The following INPP4B variants were observed in gnomAD, a reference collection of about 807,000 sequenced individuals.
INPP4B encodes the protein inositol polyphosphate-4-phosphatase type II B, also known as inositol polyphosphate 4-phosphatase type II.
A neutral mutation model predicts 122.5 loss-of-function variants in INPP4B; 55 were observed. The observed-to-expected ratio is 0.45, with a 90% CI of 0.36 to 0.56. INPP4B has a LOEUF of 0.56. Among genes scored for constraint, INPP4B ranks in the 20% least tolerant of loss-of-function variants. INPP4B has a pLI of 0.00. For missense variants in INPP4B, 1,000 were observed against 1,097.7 expected (o/e 0.91, Z 1.26); for synonymous variants, 403 against 388.7 (o/e 1.04, Z -0.43).
chr4:142,065,801 T>C (rs929170893), intron 25 of INPP4B, among the ~76,000 whole-genome samples: 6 of 152,304 alleles, frequency 3.9e-5, no homozygotes, highest in Non-Finnish European at 8.8e-5. Flanking sequence ...TACTGCATTG[T>C]ACCCTATAAT....
chr4:142,232,557 C>T (rs1284468102), intron 12 of INPP4B, among the ~76,000 whole-genome samples: 5 of 151,820 alleles, frequency 3.3e-5, no homozygotes, highest in Admixed American at 3.3e-4. Context: ...TCCACCATCT[C>T]CCTCCCTCTT....
intron 18 of INPP4B, among the ~76,000 whole-genome samples, chr4:142,130,971 G>C (rs1412142903): frequency 1.3e-5 from 2 of 152,166 alleles, no homozygotes; most frequent in Non-Finnish European, 2.9e-5. Context: ...TTATTTCGTA[G>C]CACAAAATTG....
At chr4:142,736,224 A>G (rs530411375) in intron 1 of INPP4B, among the ~76,000 whole-genome samples, 1 of 152,258 alleles carries the variant, frequency 6.6e-6, no homozygotes, top group South Asian at 2.1e-4. Flanking sequence ...AAAGTTTCAG[A>G]AACTTGCTTT....
At chr4:142,744,936 TA>T (rs2150929885) in intron 1 of INPP4B, among the ~76,000 whole-genome samples, 1 of 151,758 alleles carries the variant, frequency 6.6e-6, no homozygotes, top group Non-Finnish European at 1.5e-5. Context: ...GTTTTTAGTA[TA>T]TAAAAAAAGA....
intron 3 of INPP4B, among the ~76,000 whole-genome samples, chr4:142,445,818 A>G (rs1470083301): frequency 6.6e-6 from 1 of 152,214 alleles, no homozygotes; most frequent in Non-Finnish European, 1.5e-5. Context: ...TTTAAAATAA[A>G]TGAAATCATA....
At chr4:142,189,225 T>C (rs1029043192) in intron 15 of INPP4B, among the ~76,000 whole-genome samples, 6 of 152,220 alleles carry the variant, frequency 3.9e-5, no homozygotes, top group Non-Finnish European at 8.8e-5. Context: ...TCTGTGATTC[T>C]AGTGGGCAGC....
At chr4:142,427,597 G>T (rs761587410) in intron 5 of INPP4B, 3 of 423,348 alleles carry the variant, frequency 7.1e-6, no homozygotes, top group Middle Eastern at 3.2e-4. Context: ...ACAGGTATTT[G>T]GTTCAAGTAT....
chr4:142,460,403 T>C (rs369604972), intron 3 of INPP4B, among the ~76,000 whole-genome samples: 1 of 152,158 alleles, frequency 6.6e-6, no homozygotes, highest in Non-Finnish European at 1.5e-5. Flanking sequence ...AAAGTTCAAT[T>C]TGGTGTCAGA....
chr4:142,493,318 G>A (rs540635063), intron 2 of INPP4B, among the ~76,000 whole-genome samples: 2 of 152,302 alleles, frequency 1.3e-5, no homozygotes, highest in East Asian at 3.9e-4. Context: ...CCCCACTGCA[G>A]CACTGCTTGG....
chr4:142,363,183 CA>C (rs1786110715), intron 7 of INPP4B, among the ~76,000 whole-genome samples: 1 of 151,982 alleles, frequency 6.6e-6, no homozygotes, highest in Non-Finnish European at 1.5e-5. Context: ...TGATTAAACA[CA>C]TACGCACATA....
chr4:142,645,811 G>C (rs559520359), intron 2 of INPP4B, among the ~76,000 whole-genome samples: 1 of 152,168 alleles, frequency 6.6e-6, no homozygotes, highest in African/African-American at 2.4e-5. Flanking sequence ...ATGGAACCTG[G>C]CCTAATTAAT....
At chr4:142,313,086 C>CGTA (rs1376677110) in intron 8 of INPP4B, among the ~76,000 whole-genome samples, 1 of 151,812 alleles carries the variant, frequency 6.6e-6, no homozygotes, top group East Asian at 1.9e-4. Flanking sequence ...AAGTCTAGCC[C>CGTA]GTAGGGGGAA....
intron 16 of INPP4B, among the ~76,000 whole-genome samples, chr4:142,169,599 T>C (rs988366167): frequency 6.6e-6 from 1 of 151,690 alleles, no homozygotes; most frequent in Admixed American, 6.6e-5. Context: ...TTTCTTTGAA[T>C]ATAAGAGAAC....
intron 2 of INPP4B, among the ~76,000 whole-genome samples, chr4:142,623,898 T>A (rs575503238): frequency 6.6e-6 from 1 of 152,220 alleles, no homozygotes; most frequent in South Asian, 2.1e-4. Flanking sequence ...GGACATGAAC[T>A]CATCATTTTT....
intron 25 of INPP4B, among the ~76,000 whole-genome samples, chr4:142,068,400 A>G (rs528372262): frequency 2.6e-5 from 4 of 152,358 alleles, no homozygotes; most frequent in Non-Finnish European, 5.9e-5. Context: ...AAGACCATCA[A>G]GGCTAGGAAG....
At chr4:142,844,350 T>C (rs939633236) in intron 1 of INPP4B, among the ~76,000 whole-genome samples, 10 of 152,248 alleles carry the variant, frequency 6.6e-5, no homozygotes, top group Non-Finnish European at 1.3e-4. Context: ...TATTTCAATC[T>C]GCAAACATGT....
At chr4:142,376,330 C>G (rs1791844728) in intron 7 of INPP4B, among the ~76,000 whole-genome samples, 1 of 151,942 alleles carries the variant, frequency 6.6e-6, no homozygotes, top group African/African-American at 2.4e-5. Flanking sequence ...TGGCTTTGTT[C>G]CTCTCAGATG....
Position 142,208,983 on chromosome 4 carries a change from C to T in INPP4B, c.880G>A (p.Asp294Asn), listed in dbSNP as rs2149527219. 6.2e-7 allele frequency: 1 copy of T among 1,605,274 alleles called. No homozygotes were observed. Among genetic ancestry groups the T allele is most frequent in the Non-Finnish European group, 8.5e-7 (1 of 1,174,400 alleles). The change falls in exon 13 of 26, where the codon GAC (aspartate) becomes AAC (asparagine). Residue 294 changes from aspartate to asparagine, a missense_variant. Physicochemically the swap from Asp to Asn is conservative, Grantham distance 23 (BLOSUM62 1). Transcript: ENST00000262992. Reference sequence around the variant, plus strand: ...GTAAGGACATTTTTTCGCAGATTGTCCCAATGTGGAGAAAGCTCACCAAGT... The same window carrying T: ...GTAAGGACATTTTTTCGCAGATTGTTCCAATGTGGAGAAAGCTCACCAAGT... ...KELGELSPHWDNLRKNVLTHC... is the reference protein window; with the variant it reads ...KELGELSPHWNNLRKNVLTHC...
At position 142,836,573 on chromosome 4, in the gene INPP4B, A is replaced by C. The variant is rs1294886055; in HGVS notation, c.-254+9636T>G. ...TAAGAAGAAAATCAATTTAATCCTTATCTCACATCATATAACAACAACAAA... is the reference window on the plus strand; with the variant it reads ...TAAGAAGAAAATCAATTTAATCCTTCTCTCACATCATATAACAACAACAAA... On this transcript the variant is annotated intron_variant, in intron 1 of 25. Coordinates refer to ENST00000262992, the MANE Select transcript of INPP4B (RefSeq NM_001101669.3). Among the ~76,000 whole-genome samples the C allele has an allele frequency of 2.6e-5, 4 of 152,224 alleles. No homozygotes were observed. The South Asian group carries it at 8.3e-4, about 32-fold the overall frequency.
Sources: gnomAD v4.1 joint callset for allele counts (sites outside exome capture counted in the v4.1 genomes callset) on GRCh38, gnomAD v4.1.1 for gene constraint, MANE v1.5 for transcripts, NCBI Gene and HGNC (gene_info 2026-07-23, HGNC 2026-07-21) for gene names.